The following XKR6 variants were observed in gnomAD, a reference collection of about 807,000 sequenced individuals.
The protein encoded by XKR6 is XK related 6.
In XKR6, 22 loss-of-function variants were observed where a neutral mutation model predicts 56.7. That is an observed-to-expected ratio of 0.39 (90% CI 0.28 to 0.55). The LOEUF (loss-of-function observed/expected upper bound fraction) is 0.55. XKR6 is among the 20% of genes least tolerant of loss of function. The pLI is 0.66. For synonymous variants in XKR6, 524 were observed against 387.8 expected (o/e 1.35, Z -4.13); for missense variants, 852 against 889.0 (o/e 0.96, Z 0.53).
chr8:11,136,343 C>G (rs1563164544), intron 1 of XKR6, among the ~76,000 whole-genome samples: 1 of 152,190 alleles, frequency 6.6e-6, no homozygotes. Flanking sequence ...AAGACCCTGT[C>G]TCTACTAAAA....
intron 1 of XKR6, among the ~76,000 whole-genome samples, chr8:10,938,373 C>G (rs547866983): frequency 1.3e-5 from 2 of 152,362 alleles, no homozygotes; most frequent in South Asian, 2.1e-4. Flanking sequence ...GCATCGCTCA[C>G]GCTGGGAGCT....
chr8:11,011,078 G>C lies in XKR6; in HGVS notation c.765-86248C>G, dbSNP rs571663194. ...TAACAGATGAGAAAGCTGAGGCTTG[G>C]GCCAGCTCAGTAACTTGCCTGAAGT... On this transcript the variant is annotated intron_variant, in intron 1 of 2. Transcript: ENST00000416569. Among the ~76,000 whole-genome samples, 15 of 152,304 alleles carry C rather than the reference G, an allele frequency of 9.8e-5. No individual in the cohort carries two copies. The South Asian group carries it at 2.3e-3, about 23-fold the overall frequency.
rs371783000 is a variant in XKR6 at position 11,107,928 on chromosome 8, G to A, written c.764+92648C>T. ...AGCAATGCTGCCTGGGACGCCTCCCGCATGTGCGGCGGCACCACTCTGATG... is the reference window on the plus strand; with the variant it reads ...AGCAATGCTGCCTGGGACGCCTCCCACATGTGCGGCGGCACCACTCTGATG... On this transcript the variant is annotated intron_variant, in intron 1 of 2. Transcript: ENST00000416569. 308 of 261,342 alleles carry A rather than the reference G, an allele frequency of 1.2e-3. 7 individuals are homozygous for A. In the South Asian group the frequency reaches 0.012, roughly 10 times the overall value. 16.2% of individuals were successfully genotyped at this position (261,342 alleles called of 1,614,324 possible). A position where few individuals can be genotyped will look rare whatever the true frequency, so the allele number is the denominator to read the frequency against.
chr8:10,961,331 G>A (rs1586359891), intron 1 of XKR6, among the ~76,000 whole-genome samples: 2 of 152,244 alleles, frequency 1.3e-5, no homozygotes, highest in Non-Finnish European at 2.9e-5. Context: ...TTCCAGGCAA[G>A]AGGAGGTGGC....
At chr8:10,913,113 A>G in intron 2 of XKR6, among the ~76,000 whole-genome samples, 1 of 151,748 alleles carries the variant, frequency 6.6e-6, no homozygotes, top group East Asian at 1.9e-4. Context: ...GTATATATAT[A>G]GAGGGTGTGT....
At chr8:11,145,429 G>A (rs555321862) in intron 1 of XKR6, among the ~76,000 whole-genome samples, 1 of 152,040 alleles carries the variant, frequency 6.6e-6, no homozygotes, top group Non-Finnish European at 1.5e-5. Context: ...AAAGTACATT[G>A]TTATAAAACT....
intron 1 of XKR6, among the ~76,000 whole-genome samples, chr8:10,957,464 G>T (rs56112432): frequency 6.6e-6 from 1 of 152,094 alleles, no homozygotes; most frequent in South Asian, 2.1e-4. Context: ...GGCCCATGGT[G>T]TGCCCCTCTC....
intron 1 of XKR6, among the ~76,000 whole-genome samples, chr8:11,079,350 C>T (rs545917773): frequency 3.9e-5 from 6 of 152,192 alleles, no homozygotes; most frequent in Non-Finnish European, 7.3e-5. Context: ...GTAAGTGCAG[C>T]TTTTAAAAAT....
intron 1 of XKR6, among the ~76,000 whole-genome samples, chr8:10,978,691 C>A (rs1237684846): frequency 6.6e-6 from 1 of 152,234 alleles, no homozygotes; most frequent in Non-Finnish European, 1.5e-5. Context: ...CACTTCTTTG[C>A]CTTGGTTCTT....
chr8:11,187,396 C>G (rs926400584), intron 1 of XKR6, among the ~76,000 whole-genome samples: 3 of 152,168 alleles, frequency 2.0e-5, no homozygotes, highest in African/African-American at 7.2e-5. Context: ...TTCTCAAAAG[C>G]TGCATCGTGA....
intron 1 of XKR6, among the ~76,000 whole-genome samples, chr8:10,941,339 C>A (rs1005238383): frequency 6.6e-6 from 1 of 152,230 alleles, no homozygotes; most frequent in African/African-American, 2.4e-5. Flanking sequence ...CGCTTAGGAG[C>A]ACTCAGCACT....
At chr8:11,144,662 AG>A (rs1165746184) in intron 1 of XKR6, among the ~76,000 whole-genome samples, 1 of 152,108 alleles carries the variant, frequency 6.6e-6, no homozygotes, top group East Asian at 1.9e-4. Context: ...TTCCAGGTAT[AG>A]ACCCAAGTAT....
chr8:11,099,775 A>T (rs1798398606), intron 1 of XKR6, among the ~76,000 whole-genome samples: 1 of 152,312 alleles, frequency 6.6e-6, no homozygotes, highest in Non-Finnish European at 1.5e-5. Context: ...TTAGCGGAGG[A>T]GACAAAACTA....
chr8:11,145,706 T>C (rs2116953463), intron 1 of XKR6, among the ~76,000 whole-genome samples: 1 of 152,198 alleles, frequency 6.6e-6, no homozygotes, highest in Admixed American at 6.5e-5. Context: ...AAATTAAAGA[T>C]CTAAATAAAT....
intron 1 of XKR6, among the ~76,000 whole-genome samples, chr8:10,982,905 C>A (rs1797766676): frequency 6.6e-6 from 1 of 152,202 alleles, no homozygotes; most frequent in Admixed American, 6.5e-5. Context: ...CAGCTGGCTC[C>A]ACTGGGACCC....
intron 1 of XKR6, among the ~76,000 whole-genome samples, chr8:11,192,741 T>G (rs1395344495): frequency 6.6e-6 from 1 of 152,150 alleles, no homozygotes; most frequent in Non-Finnish European, 1.5e-5. Flanking sequence ...CTGGCCCAAC[T>G]CCCTGAGGCT....
chr8:10,922,457 T>C (rs1800750170), intron 2 of XKR6, among the ~76,000 whole-genome samples: 1 of 152,230 alleles, frequency 6.6e-6, no homozygotes, highest in Non-Finnish European at 1.5e-5. Flanking sequence ...AGTGCTCACT[T>C]CCACAGAGCT....
At chr8:11,081,825 G>C (rs1381840922) in intron 1 of XKR6, among the ~76,000 whole-genome samples, 3 of 152,224 alleles carry the variant, frequency 2.0e-5, no homozygotes, top group Non-Finnish European at 4.4e-5. Context: ...AATTTCCACT[G>C]TTTCCCTGGT....
At chr8:11,185,153 C>T (rs924076373) in intron 1 of XKR6, among the ~76,000 whole-genome samples, 3 of 152,102 alleles carry the variant, frequency 2.0e-5, no homozygotes, top group African/African-American at 7.2e-5. Flanking sequence ...GCACCCTGTC[C>T]AGGACTGGTG....
Sources: gnomAD v4.1 joint callset for allele counts (sites outside exome capture counted in the v4.1 genomes callset) on GRCh38, gnomAD v4.1.1 for gene constraint, MANE v1.5 for transcripts, NCBI Gene and HGNC (gene_info 2026-07-23, HGNC 2026-07-21) for gene names.